The following KCNMB2 variants were observed in gnomAD, a reference collection of about 807,000 sequenced individuals.
The protein encoded by KCNMB2 is potassium calcium-activated channel subfamily M regulatory beta subunit 2.
A neutral mutation model predicts 24.5 loss-of-function variants in KCNMB2; 9 were observed. That is an observed-to-expected ratio of 0.37 (90% confidence interval 0.22 to 0.64). The LOEUF (loss-of-function observed/expected upper bound fraction) is 0.64. KCNMB2 is among the 30% of genes least tolerant of loss of function. The pLI, the probability that KCNMB2 is intolerant of heterozygous loss-of-function variation, is 0.63. For missense variants in KCNMB2, 226 were observed against 284.3 expected (o/e 0.79, Z 1.47); for synonymous variants, 109 against 104.4 (o/e 1.04, Z -0.27).
chr3:178,540,933 G>T (rs894680122), intron 1 of KCNMB2, among the ~76,000 whole-genome samples: 7 of 152,166 alleles, frequency 4.6e-5, no homozygotes, highest in Non-Finnish European at 8.8e-5. Flanking sequence ...ACGTAGAATA[G>T]GGTCTCTTAT....
intron 1 of KCNMB2, among the ~76,000 whole-genome samples, chr3:178,538,392 T>C (rs1299287473): frequency 6.6e-6 from 1 of 152,226 alleles, no homozygotes; most frequent in Non-Finnish European, 1.5e-5. Flanking sequence ...AATGCATGTA[T>C]AGAAAGAGAG....
chr3:178,844,362 A>G lies in KCNMB2; in HGVS notation c.*1425A>G, dbSNP rs966205397. On this transcript the variant is annotated 3_prime_UTR_variant, in exon 5 of 5. Transcript: ENST00000452583. Reference sequence around the variant, plus strand: ...GTAATTCATAGTTTGACTTTTCATAAGCAAATAAATCCCTAGGATGTAATC... The same window carrying G: ...GTAATTCATAGTTTGACTTTTCATAGGCAAATAAATCCCTAGGATGTAATC... The G allele has an allele frequency of 1.3e-5, 2 of 152,484 alleles. No individual in the cohort carries two copies. Among genetic ancestry groups the G allele is most frequent in the African/African-American group, 4.8e-5 (2 of 41,442 alleles). The allele number at this position is 152,484 out of a possible 1,614,324, so 9.4% of individuals were successfully genotyped here. A position where few individuals can be genotyped will look rare whatever the true frequency, so the allele number is the denominator to read the frequency against.
At chr3:178,559,319 C>G (rs1000066671) in intron 1 of KCNMB2, among the ~76,000 whole-genome samples, 2 of 151,776 alleles carry the variant, frequency 1.3e-5, no homozygotes, top group South Asian at 4.2e-4. Context: ...TAAAACATTG[C>G]GTGATGTTAA....
At chr3:178,757,968 T>C (rs1724216464) in intron 1 of KCNMB2, among the ~76,000 whole-genome samples, 1 of 88,174 alleles carries the variant, frequency 1.1e-5, no homozygotes, top group Non-Finnish European at 2.2e-5. Context: ...AGAGGATATA[T>C]ATATAGACAC....
intron 1 of KCNMB2, among the ~76,000 whole-genome samples, chr3:178,557,354 G>A (rs563130571): frequency 9.9e-5 from 15 of 152,282 alleles, no homozygotes; most frequent in African/African-American, 3.4e-4. Context: ...GGGTGGCGGA[G>A]TAAGAAAAGG....
intron 1 of KCNMB2, among the ~76,000 whole-genome samples, chr3:178,644,027 C>T (rs897512655): frequency 6.6e-6 from 1 of 152,212 alleles, no homozygotes; most frequent in African/African-American, 2.4e-5. Flanking sequence ...TGAGGCAAAC[C>T]AGCACATTAA....
At chr3:178,737,374 G>C (rs1322081575) in intron 1 of KCNMB2, among the ~76,000 whole-genome samples, 2 of 151,928 alleles carry the variant, frequency 1.3e-5, no homozygotes, top group African/African-American at 4.8e-5. Context: ...ATAAAAACAG[G>C]GTTGTTTGTT....
intron 1 of KCNMB2, among the ~76,000 whole-genome samples, chr3:178,779,158 T>C (rs969206747): frequency 2.6e-5 from 4 of 152,208 alleles, no homozygotes; most frequent in African/African-American, 9.6e-5. Context: ...GACCTTCTAC[T>C]TGAGGAGGCC....
intron 1 of KCNMB2, among the ~76,000 whole-genome samples, chr3:178,766,349 A>G (rs992081928): frequency 6.6e-6 from 1 of 152,092 alleles, no homozygotes; most frequent in African/African-American, 2.4e-5. Context: ...GTATACCACT[A>G]CACCTGGTTA....
chr3:178,598,641 T>C (rs1468125753), intron 1 of KCNMB2, among the ~76,000 whole-genome samples: 4 of 151,840 alleles, frequency 2.6e-5, no homozygotes, highest in East Asian at 3.9e-4. Context: ...GTTGTCAAGA[T>C]GGACTCTCAG....
At chr3:178,828,068 A>G in intron 3 of KCNMB2, 110 bp from the exon 4 acceptor site, 1 of 848,846 alleles carries the variant, frequency 1.2e-6, no homozygotes, top group Admixed American at 2.4e-5. Flanking sequence ...CATATTAGAG[A>G]TTTAGAAAAG....
chr3:178,655,406 A>G (rs1560150902), intron 1 of KCNMB2, among the ~76,000 whole-genome samples: 1 of 152,140 alleles, frequency 6.6e-6, no homozygotes, highest in Non-Finnish European at 1.5e-5. Context: ...GGTTCTACCT[A>G]TAAGAAGTAG....
intron 1 of KCNMB2, among the ~76,000 whole-genome samples, chr3:178,592,281 C>T (rs1428635868): frequency 2.0e-5 from 3 of 152,054 alleles, no homozygotes; most frequent in African/African-American, 4.8e-5. Flanking sequence ...AGTTTGACTG[C>T]GTTATTTCAG....
chr3:178,839,336 A>T (rs1715346153), intron 4 of KCNMB2, among the ~76,000 whole-genome samples: 1 of 152,160 alleles, frequency 6.6e-6, no homozygotes, highest in African/African-American at 2.4e-5. Context: ...AAAAACTACA[A>T]AAAAGTGATT....
chr3:178,660,921 A>T (rs1248193663), intron 1 of KCNMB2, among the ~76,000 whole-genome samples: 1 of 152,078 alleles, frequency 6.6e-6, no homozygotes, highest in Non-Finnish European at 1.5e-5. Flanking sequence ...ATGTCCCTCT[A>T]GCAGCATTAT....
At position 178,754,731 on chromosome 3, in the gene KCNMB2, A is replaced by T. The variant is rs182426390; in HGVS notation, c.-67-52612A>T. 2.2e-4 allele frequency among the ~76,000 whole-genome samples: 33 copies of T among 152,344 alleles called. 2 individuals are homozygous for T. In the East Asian group the frequency reaches 6.0e-3, roughly 28 times the overall value. Reference sequence around the variant, plus strand: ...TTGCTGTAACAAAGCATGAAGGCGAAGTGACTTGCTCAAGGTCACACTACT... The same window carrying T: ...TTGCTGTAACAAAGCATGAAGGCGATGTGACTTGCTCAAGGTCACACTACT... On this transcript the variant is annotated intron_variant, in intron 1 of 4. Coordinates refer to ENST00000452583, the MANE Select transcript of KCNMB2 (RefSeq NM_181361.3).
intron 1 of KCNMB2, among the ~76,000 whole-genome samples, chr3:178,803,972 A>G (rs1713868893): frequency 6.6e-6 from 1 of 152,104 alleles, no homozygotes; most frequent in Non-Finnish European, 1.5e-5. Flanking sequence ...GAATTTTCAC[A>G]TCATACTCAT....
intron 1 of KCNMB2, among the ~76,000 whole-genome samples, chr3:178,788,195 G>A (rs1713183703): frequency 2.0e-5 from 3 of 152,228 alleles, no homozygotes; most frequent in South Asian, 4.1e-4. Context: ...TTATGAGCAG[G>A]TTTCCTCACA....
At chr3:178,658,421 A>G (rs1414368705) in intron 1 of KCNMB2, among the ~76,000 whole-genome samples, 3 of 152,244 alleles carry the variant, frequency 2.0e-5, no homozygotes, top group Non-Finnish European at 1.5e-5. Context: ...AGATAAGGTT[A>G]TCTCTTCTTA....
Sources: allele counts gnomAD v4.1 joint callset (sites outside exome capture counted in the v4.1 genomes callset), GRCh38; gene constraint gnomAD v4.1.1; transcripts MANE v1.5; gene names NCBI Gene and HGNC (gene_info 2026-07-23, HGNC 2026-07-21).